Variants in SPHKAP observed in about 807,000 individuals in gnomAD.
SPHKAP encodes SPHK1 interactor, AKAP domain containing.
SPHKAP carries 67 observed loss-of-function variants against 137.5 expected under a neutral mutation model. The observed-to-expected ratio is 0.49, with a 90% CI of 0.40 to 0.60. SPHKAP has a LOEUF of 0.60. Among genes scored for constraint, SPHKAP ranks in the 20% least tolerant of loss-of-function variants. The pLI is 0.00. For synonymous variants in SPHKAP, 813 were observed against 785.3 expected, an observed-to-expected ratio of 1.04 and a Z score of -0.59; for missense variants, 2,097 against 2,069.3, an observed-to-expected ratio of 1.01 and a Z score of -0.26.
intron 1 of SPHKAP, among the ~76,000 whole-genome samples, chr2:228,171,009 A>G (rs770223747): frequency 2.0e-5 from 3 of 152,156 alleles, no homozygotes; most frequent in Non-Finnish European, 2.9e-5. Flanking sequence ...TGCTGTTATA[A>G]TTGAGCTTTG....
intron 3 of SPHKAP, among the ~76,000 whole-genome samples, chr2:228,063,595 A>G (rs1033160549): frequency 3.3e-5 from 5 of 152,306 alleles, no homozygotes; most frequent in Admixed American, 6.5e-5. Context: ...GAACATAGCA[A>G]TGAACTCTGT....
At chr2:227,994,071 C>A in intron 8 of SPHKAP, 1 of 985,352 alleles carries the variant, frequency 1.0e-6, no homozygotes, top group Non-Finnish European at 1.2e-6. Context: ...CCAGTGGACT[C>A]ATGTTCTCCC....
intron 1 of SPHKAP, among the ~76,000 whole-genome samples, chr2:228,171,039 T>A (rs1700569383): frequency 6.6e-6 from 1 of 152,132 alleles, no homozygotes. Flanking sequence ...CTAGGACTTC[T>A]GGCAGCTGAA....
intron 3 of SPHKAP, among the ~76,000 whole-genome samples, chr2:228,105,092 C>G (rs1250184522): frequency 6.6e-6 from 1 of 152,144 alleles, no homozygotes; most frequent in Non-Finnish European, 1.5e-5. Context: ...CCTCAGCCTC[C>G]TGAGTAGCTG....
At chr2:228,014,044 G>A (rs1403060726) in intron 7 of SPHKAP, among the ~76,000 whole-genome samples, 4 of 152,010 alleles carry the variant, frequency 2.6e-5, no homozygotes, top group African/African-American at 9.7e-5. Context: ...GTATATTTTG[G>A]AAAAAGCATT....
Position 227,981,038 on chromosome 2 carries a change from CTCT to C in SPHKAP, c.*676_*678del, listed in dbSNP as rs34118279. On this transcript the variant is annotated 3_prime_UTR_variant, in exon 12 of 12. Transcript: ENST00000392056. ...GGAAACAAGACAATCTTTTATCTTC[CTCT>C]TCTTCAGTTGAATGACAATAGTTTT... 0.47 allele frequency: 71,086 copies of C among 151,718 alleles called. 16,987 individuals carry two copies. The highest frequency in any genetic ancestry group is 0.65 in the East Asian group (3,347 of 5,132). The allele number at this position is 151,718 out of a possible 1,614,324, so 9.4% of individuals were successfully genotyped here.
intron 8 of SPHKAP, among the ~76,000 whole-genome samples, chr2:227,994,913 A>C (rs956542566): frequency 6.6e-6 from 1 of 152,202 alleles, no homozygotes; most frequent in South Asian, 2.1e-4. Flanking sequence ...TTCAGTATCA[A>C]ATGAGATTTT....
In SPHKAP at chr2:228,018,203, T is replaced by C; in HGVS notation, c.2651A>G (p.Gln884Arg). The C allele has an allele frequency of 6.2e-7, 1 of 1,614,146 alleles. No individual in the cohort carries two copies. Among genetic ancestry groups the C allele is most frequent in the Non-Finnish European group, 8.5e-7 (1 of 1,180,028 alleles). The change falls in exon 7 of 12, where the codon CAA becomes CGA. Residue 884 changes from glutamine (Q) to arginine (R), a missense_variant. By Grantham distance (43) the Gln-to-Arg change is conservative (BLOSUM62 1). Coordinates refer to ENST00000392056, the MANE Select transcript of SPHKAP (RefSeq NM_001142644.2). ...EAEESIHPNT[Q>R]EKYNCATSRI... ...AGATGTGGCACAGTTGTACTTTTCTTGGGTGTTTGGGTGGATACTCTCCTC... is the reference window on the plus strand; with the variant it reads ...AGATGTGGCACAGTTGTACTTTTCTCGGGTGTTTGGGTGGATACTCTCCTC...
At chr2:228,031,636 C>G (rs928422890) in intron 3 of SPHKAP, among the ~76,000 whole-genome samples, 2 of 152,214 alleles carry the variant, frequency 1.3e-5, no homozygotes, top group African/African-American at 4.8e-5. Context: ...CAGACTGACA[C>G]CTCACACGGC....
At chr2:227,991,652 AAG>A (rs1274891513) in intron 9 of SPHKAP, 1 of 985,450 alleles carries the variant, frequency 1.0e-6, no homozygotes, top group South Asian at 4.7e-5. Context: ...TAAACAATGA[AAG>A]AGAGATTTTG....
In SPHKAP at chr2:228,018,769, G is replaced by T. The variant is rs770515231; in HGVS notation, c.2085C>A (p.Asn695Lys). ...TGTCCAGAATTTCAGATGAATGCCT[G>T]TTGTCATTGGGGTCGATTATCATAT... is the stretch of plus-strand genomic sequence containing the variant. ...HKNMIIDPND[N>K]RHSSEILDTL... The change falls in exon 7 of 12, where the codon AAC (asparagine) becomes AAA (lysine). Residue 695 changes from asparagine (N) to lysine (K), a missense_variant. Transcript: ENST00000392056. 8.1e-6 allele frequency: 13 copies of T among 1,614,070 alleles called. No homozygotes were observed. In the Admixed American group the frequency reaches 2.2e-4, roughly 27 times the overall value.
At chr2:227,986,492 C>T (rs1394768305) in intron 11 of SPHKAP, among the ~76,000 whole-genome samples, 3 of 152,162 alleles carry the variant, frequency 2.0e-5, no homozygotes, top group East Asian at 3.9e-4. Flanking sequence ...GTGATGGGTG[C>T]ACCAAAGTCT....
chr2:228,154,512 C>CTCTCTCTATATATATATATATA (rs1393941364), intron 1 of SPHKAP, among the ~76,000 whole-genome samples: 3 of 22,068 alleles, frequency 1.4e-4, no homozygotes, highest in Non-Finnish European at 2.2e-4. Flanking sequence ...CTCTCTCTCT[C>CTCTCTCTATATATATATATATA]TATATATATA....
At chr2:228,118,743 A>G (rs1000937276) in intron 2 of SPHKAP, among the ~76,000 whole-genome samples, 4 of 152,292 alleles carry the variant, frequency 2.6e-5, no homozygotes, top group African/African-American at 9.6e-5. Context: ...GAATGCTATT[A>G]TAAAACAAGG....
At chr2:228,020,460 T>C (rs1694797157) in intron 6 of SPHKAP, among the ~76,000 whole-genome samples, 1 of 152,076 alleles carries the variant, frequency 6.6e-6, no homozygotes, top group Non-Finnish European at 1.5e-5. Flanking sequence ...GAGCAAAGTA[T>C]CACAAGGACA....
At chr2:227,984,510 G>A (rs1693140121) in intron 11 of SPHKAP, among the ~76,000 whole-genome samples, 1 of 152,030 alleles carries the variant, frequency 6.6e-6, no homozygotes, top group African/African-American at 2.4e-5. Context: ...GATTTATGGA[G>A]ATACATAAAA....
intron 1 of SPHKAP, among the ~76,000 whole-genome samples, chr2:228,151,771 C>T (rs113874494): frequency 3.3e-5 from 5 of 152,028 alleles, no homozygotes; most frequent in African/African-American, 2.4e-5. Context: ...CCTTTCTTTA[C>T]TTTCTTTGGA....
In SPHKAP at chr2:228,018,123, G is replaced by A. The variant is rs749478558; in HGVS notation, c.2731C>T (p.Pro911Ser). Reference sequence around the variant, plus strand: ...TTTGTTTGAAGCGTGGATTGAGCAGGAAGCAGCAGGTCATCCCCTAACAAG... The same window carrying A: ...TTTGTTTGAAGCGTGGATTGAGCAGAAAGCAGCAGGTCATCCCCTAACAAG... Reference protein sequence around the residue: ...LSLLGDDLLLPAQSTLQTKHP... With the variant: ...LSLLGDDLLLSAQSTLQTKHP... Residue 911 changes from proline (P) to serine (S), a missense_variant, in exon 7 of 12, where the codon CCT becomes TCT. Pro to Ser is a moderately conservative substitution (Grantham distance 74). Transcript: ENST00000392056. The A allele has an allele frequency of 6.2e-6, 10 of 1,614,068 alleles. No homozygotes were observed. Among genetic ancestry groups the A allele is most frequent in the East Asian group, 2.2e-5 (1 of 44,874 alleles).
intron 11 of SPHKAP, among the ~76,000 whole-genome samples, chr2:227,989,498 A>G (rs1180736502): frequency 2.0e-5 from 3 of 152,208 alleles, no homozygotes; most frequent in African/African-American, 4.8e-5. Flanking sequence ...CCCTGGGACC[A>G]TGAATAGGAT....
Sources: allele counts gnomAD v4.1 joint callset (sites outside exome capture counted in the v4.1 genomes callset), GRCh38; gene constraint gnomAD v4.1.1; transcripts MANE v1.5; gene names NCBI Gene and HGNC (gene_info 2026-07-23, HGNC 2026-07-21).